The following SLC2A13 variants were observed in gnomAD, a reference collection of about 807,000 sequenced individuals.
SLC2A13 encodes the protein solute carrier family 2 member 13.
In SLC2A13, 32 loss-of-function variants were observed where a neutral mutation model predicts 64.4. The ratio of observed to expected loss-of-function variants is 0.50; its 90% CI spans 0.37 to 0.67. The LOEUF (loss-of-function observed/expected upper bound fraction) is 0.67. SLC2A13 is among the 30% of genes least tolerant of loss of function. The pLI is 0.00. For synonymous variants in SLC2A13, 338 were observed against 327.1 expected (o/e 1.03, Z -0.36); for missense variants, 743 against 829.2 (o/e 0.90, Z 1.28).
In SLC2A13 at chr12:39,775,651, G is replaced by A. The variant is rs553050699; in HGVS notation, c.1446-10793C>T. ...ATAAAGTCTACCTGGAAACAAACAA[G>A]ATGTCACAAAGTTGGAGTGGGTAAG... On this transcript the variant is annotated intron_variant, in intron 7 of 9. Coordinates refer to ENST00000280871, the MANE Select transcript of SLC2A13 (RefSeq NM_052885.4). 9.7e-4 allele frequency among the ~76,000 whole-genome samples: 148 copies of A among 152,322 alleles called. 2 individuals carry two copies. Among genetic ancestry groups the A allele is most frequent in the African/African-American group, 3.3e-3 (137 of 41,572 alleles).
chr12:39,963,914 CT>C (rs973057687), intron 3 of SLC2A13, among the ~76,000 whole-genome samples: 1 of 152,162 alleles, frequency 6.6e-6, no homozygotes, highest in African/African-American at 2.4e-5. Context: ...ATGAATAAAG[CT>C]ATCAAAAAAT....
chr12:40,021,995 C>G (rs541907929), intron 3 of SLC2A13, among the ~76,000 whole-genome samples: 2 of 151,776 alleles, frequency 1.3e-5, no homozygotes, highest in African/African-American at 2.4e-5. Flanking sequence ...AAATGACTTA[C>G]GAAGGTAGGT....
At chr12:39,951,027 A>G (rs902399252) in intron 4 of SLC2A13, 2 of 419,824 alleles carry the variant, frequency 4.8e-6, no homozygotes, top group African/African-American at 2.0e-5. Context: ...GAGAAATTTT[A>G]TGGAATCAAA....
chr12:39,872,961 C>G lies in SLC2A13; in HGVS notation c.1035-1000G>C, dbSNP rs1592228021. Among the ~76,000 whole-genome samples the G allele has an allele frequency of 2.6e-5, 4 of 152,278 alleles. No individual in the cohort carries two copies. In the South Asian group the frequency reaches 8.3e-4, roughly 32 times the overall value. On this transcript the variant is annotated intron_variant, in intron 4 of 9. Transcript: ENST00000280871. ...GCTGAATATTTCCATAGTTAAAAAT[C>G]TACAGTTTGTGAATATTTATCAATA...
At chr12:39,859,433 C>A (rs1471110666) in intron 6 of SLC2A13, among the ~76,000 whole-genome samples, 4 of 150,386 alleles carry the variant, frequency 2.7e-5, no homozygotes, top group African/African-American at 9.8e-5. Context: ...ATGCCACTGT[C>A]CTGGTGAGGC....
chr12:39,879,616 C>T (rs1944290944), intron 4 of SLC2A13, among the ~76,000 whole-genome samples: 1 of 152,186 alleles, frequency 6.6e-6, no homozygotes, highest in South Asian at 2.1e-4. Context: ...TGGCTGATTT[C>T]TCCCTTTTGG....
chr12:39,876,309 T>C (rs1287491426), intron 4 of SLC2A13, among the ~76,000 whole-genome samples: 1 of 152,252 alleles, frequency 6.6e-6, no homozygotes, highest in Non-Finnish European at 1.5e-5. Flanking sequence ...CAGTCTATCC[T>C]AATGCTGACT....
chr12:39,988,527 A>G (rs893282307), intron 3 of SLC2A13, among the ~76,000 whole-genome samples: 5 of 151,266 alleles, frequency 3.3e-5, no homozygotes, highest in Non-Finnish European at 7.4e-5. Flanking sequence ...CGAAAGAAAG[A>G]AAGAAGAAAG....
Position 39,951,305 on chromosome 12 carries a change from C to T in SLC2A13, c.986G>A (p.Gly329Asp). Residue 329 changes from glycine to aspartate, a missense_variant, in exon 4 of 10, where the codon GGT (glycine) becomes GAT (aspartate). Physicochemically the swap from Gly to Asp is moderately conservative, Grantham distance 94. This residue lies in a region of SLC2A13 where 448 missense variants were observed against 447.4 expected (regional missense o/e 1.00). Transcript: ENST00000280871. ...YPPTRRALIV[G>D]CGLQMFQQLS... Reference sequence around the variant, plus strand: ...CTGCTGGAACATTTGTAGGCCACAACCCACAATTAAAGCTCGGCGAGTTGG... The same window carrying T: ...CTGCTGGAACATTTGTAGGCCACAATCCACAATTAAAGCTCGGCGAGTTGG... 6.2e-7 allele frequency: 1 copy of T among 1,612,774 alleles called. No individual in the cohort carries two copies. Among genetic ancestry groups the T allele is most frequent in the South Asian group, 1.1e-5 (1 of 90,914 alleles).
At position 40,028,617 on chromosome 12, in the gene SLC2A13, A is replaced by T. The variant is rs927238186; in HGVS notation, c.717-108T>A. 3.9e-6 allele frequency: 4 copies of T among 1,028,520 alleles called. No homozygotes were observed. In the Admixed American group the frequency reaches 1.1e-4, roughly 28 times the overall value. The allele number at this position is 1,028,520 out of a possible 1,614,324, so 63.7% of individuals were successfully genotyped here. ...CAACAATAATACTTACTGTGAAGTT[A>T]GCCAGAATTATTTGTGCATTTATGT... is the stretch of plus-strand genomic sequence containing the variant. On this transcript the variant is annotated intron_variant, in intron 2 of 9. Coordinates refer to ENST00000280871, the MANE Select transcript of SLC2A13 (RefSeq NM_052885.4).
chr12:39,969,533 C>T (rs1946600902), intron 3 of SLC2A13, among the ~76,000 whole-genome samples: 1 of 152,202 alleles, frequency 6.6e-6, no homozygotes, highest in Non-Finnish European at 1.5e-5. Flanking sequence ...TTTTGATTTG[C>T]ATTTCTCTGA....
intron 1 of SLC2A13, among the ~76,000 whole-genome samples, chr12:40,082,204 T>C (rs943573966): frequency 1.6e-4 from 25 of 152,172 alleles, no homozygotes; most frequent in Non-Finnish European, 3.4e-4. Flanking sequence ...CATGTACACA[T>C]AGTGTTCACT....
chr12:39,787,845 A>T (rs1941245062), intron 7 of SLC2A13, among the ~76,000 whole-genome samples: 2 of 152,176 alleles, frequency 1.3e-5, no homozygotes, highest in Admixed American at 1.3e-4. Context: ...CATCAAGTTT[A>T]CTGATAATTC....
At chr12:40,100,007 T>C (rs1449193505) in intron 1 of SLC2A13, among the ~76,000 whole-genome samples, 1 of 152,226 alleles carries the variant, frequency 6.6e-6, no homozygotes, top group Non-Finnish European at 1.5e-5. Flanking sequence ...ATGACATTCT[T>C]TGTTGACATT....
intron 4 of SLC2A13, among the ~76,000 whole-genome samples, chr12:39,936,126 A>G (rs1945913670): frequency 6.6e-6 from 1 of 152,226 alleles, no homozygotes; most frequent in Admixed American, 6.5e-5. Flanking sequence ...CAGAAAGTTT[A>G]GAGGCAGAGA....
intron 7 of SLC2A13, among the ~76,000 whole-genome samples, chr12:39,829,143 T>C (rs1942774955): frequency 6.6e-6 from 1 of 152,030 alleles, no homozygotes; most frequent in South Asian, 2.1e-4. Context: ...TCAGATAACA[T>C]TTACACATTT....
At chr12:40,034,066 T>C (rs1947942499) in intron 2 of SLC2A13, among the ~76,000 whole-genome samples, 1 of 152,196 alleles carries the variant, frequency 6.6e-6, no homozygotes. Flanking sequence ...ATCTATATGA[T>C]CTGTGGTTTT....
intron 7 of SLC2A13, among the ~76,000 whole-genome samples, chr12:39,768,652 A>G (rs1253128734): frequency 1.3e-5 from 2 of 152,098 alleles, no homozygotes; most frequent in African/African-American, 4.8e-5. Flanking sequence ...CACACACAAC[A>G]TTTATAATTA....
intron 7 of SLC2A13, among the ~76,000 whole-genome samples, chr12:39,766,263 G>T (rs1212749985): frequency 6.6e-6 from 1 of 152,090 alleles, no homozygotes; most frequent in East Asian, 1.9e-4. Flanking sequence ...TGCGAGGTCA[G>T]TTCCAGACCA....
Sources: gnomAD v4.1 joint callset for allele counts (sites outside exome capture counted in the v4.1 genomes callset) on GRCh38, gnomAD v4.1.1 for gene constraint, gnomAD v4.1.1 regional missense constraint, MANE v1.5 for transcripts, NCBI Gene and HGNC (gene_info 2026-07-23, HGNC 2026-07-21) for gene names.